Variants in ANKH observed in about 807,000 individuals in gnomAD.
ANKH encodes the protein ANKH inorganic pyrophosphate transport regulator.
A neutral mutation model predicts 49.0 loss-of-function variants in ANKH; 15 were observed. The observed-to-expected ratio is 0.31, with a 90% CI of 0.20 to 0.47. The LOEUF is 0.47. Ranked by LOEUF, ANKH falls within the 20% of genes least tolerant of loss-of-function variation. The pLI is 1.00. For synonymous variants in ANKH, 273 were observed against 260.0 expected, an observed-to-expected ratio of 1.05 and a Z score of -0.48; for missense variants, 429 against 652.0, an observed-to-expected ratio of 0.66 and a Z score of 3.72.
At chr5:14,843,408 T>C (rs1286829309) in intron 1 of ANKH, among the ~76,000 whole-genome samples, 3 of 151,806 alleles carry the variant, frequency 2.0e-5, no homozygotes, top group African/African-American at 7.3e-5. Context: ...ACTCTTGACC[T>C]CAGGCAATCT....
At chr5:14,791,140 A>C (rs1421305694) in intron 1 of ANKH, among the ~76,000 whole-genome samples, 2 of 152,170 alleles carry the variant, frequency 1.3e-5, no homozygotes, top group Non-Finnish European at 2.9e-5. Flanking sequence ...CCAGCCACGT[A>C]AGCTGGAAAT....
intron 1 of ANKH, among the ~76,000 whole-genome samples, chr5:14,821,111 A>AAT (rs1315258716): frequency 6.6e-6 from 1 of 151,658 alleles, no homozygotes; most frequent in African/African-American, 2.4e-5. Context: ...AAAAAAAAAA[A>AAT]ATTTCAGTTA....
chr5:14,752,048 C>T (rs865885085), intron 4 of ANKH, among the ~76,000 whole-genome samples: 3 of 152,284 alleles, frequency 2.0e-5, no homozygotes, highest in African/African-American at 7.2e-5. Flanking sequence ...TGGCTCACAC[C>T]TGTGATCTCA....
At position 14,737,086 on chromosome 5, in the gene ANKH, T is replaced by C. The variant is rs1253064109; in HGVS notation, c.1011+4741A>G. Among the ~76,000 whole-genome samples, 1 of 152,220 alleles carries C rather than the reference T, an allele frequency of 6.6e-6. No individual in the cohort carries two copies. Among genetic ancestry groups the C allele is most frequent in the Non-Finnish European group, 1.5e-5 (1 of 68,034 alleles). On this transcript the variant is annotated intron_variant, in intron 8 of 11. Coordinates refer to ENST00000284268, the MANE Select transcript of ANKH (RefSeq NM_054027.6). This position sits in a 1 kb window ranked among gnomAD's most constrained non-coding sequence, Gnocchi z 5.0. ...TTCTGTTTATTAAAATATGATTGGC[T>C]ATGGACTTCAGAAACAGTTTTAAAA...
chr5:14,746,150 T>C (rs1345571187), intron 6 of ANKH, among the ~76,000 whole-genome samples, 188 bp from the exon 7 acceptor site: 1 of 152,072 alleles, frequency 6.6e-6, no homozygotes, highest in Non-Finnish European at 1.5e-5. Flanking sequence ...ATTGGGCTCC[T>C]AGGGGCAGGT....
At chr5:14,759,938 G>C (rs2126497521) in intron 2 of ANKH, among the ~76,000 whole-genome samples, 1 of 152,320 alleles carries the variant, frequency 6.6e-6, no homozygotes, top group South Asian at 2.1e-4. Context: ...TGTTTTAACA[G>C]TAGGTGTGCC....
intron 8 of ANKH, among the ~76,000 whole-genome samples, chr5:14,738,159 T>G (rs1738245218): frequency 6.6e-6 from 1 of 152,188 alleles, no homozygotes; most frequent in Admixed American, 6.5e-5. Flanking sequence ...GGACAGATAC[T>G]CTAAATTTAA....
At chr5:14,780,871 G>A (rs1206264419) in intron 1 of ANKH, among the ~76,000 whole-genome samples, 2 of 152,154 alleles carry the variant, frequency 1.3e-5, no homozygotes, top group Non-Finnish European at 2.9e-5. Flanking sequence ...TTATACTTAC[G>A]ATGACATCAA....
intron 9 of ANKH, among the ~76,000 whole-genome samples, chr5:14,714,610 G>C (rs899832586): frequency 6.6e-6 from 1 of 152,174 alleles, no homozygotes; most frequent in African/African-American, 2.4e-5. Context: ...CTTCCTCTGG[G>C]TGGAAGCCTT....
At chr5:14,717,583 A>G (rs541741003) in intron 8 of ANKH, among the ~76,000 whole-genome samples, 6 of 152,326 alleles carry the variant, frequency 3.9e-5, no homozygotes, top group East Asian at 1.9e-4. Flanking sequence ...TTAGTAAGCA[A>G]TCCATCCACA....
chr5:14,820,872 C>T (rs1232739172), intron 1 of ANKH, among the ~76,000 whole-genome samples: 3 of 152,128 alleles, frequency 2.0e-5, no homozygotes, highest in Non-Finnish European at 4.4e-5. Context: ...CCAAGGCAGG[C>T]GGATCTCTTA....
At chr5:14,759,615 G>A (rs557635026) in intron 2 of ANKH, among the ~76,000 whole-genome samples, 40 of 151,938 alleles carry the variant, frequency 2.6e-4, no homozygotes, top group Non-Finnish European at 4.7e-4. Flanking sequence ...AAATTAGCCC[G>A]GCATGGTGGT....
intron 1 of ANKH, among the ~76,000 whole-genome samples, chr5:14,791,831 T>C (rs1291186533): frequency 1.3e-5 from 2 of 152,202 alleles, no homozygotes; most frequent in Non-Finnish European, 2.9e-5. Context: ...ACGCAGGTGC[T>C]ACTTGAAGGC....
At chr5:14,864,656 T>C (rs1464013328) in intron 1 of ANKH, among the ~76,000 whole-genome samples, 1 of 152,176 alleles carries the variant, frequency 6.6e-6, no homozygotes. Flanking sequence ...AGAAAACACA[T>C]TACCTACTTA....
Position 14,871,619 on chromosome 5 carries a change from T to C in ANKH, c.-172A>G, listed in dbSNP as rs1292056231. 1 of 173,974 alleles carries C rather than the reference T, an allele frequency of 5.7e-6. No homozygotes were observed. The highest frequency in any genetic ancestry group is 6.5e-5 in the Admixed American group (1 of 15,408). 10.8% of individuals were successfully genotyped at this position (173,974 alleles called of 1,614,324 possible). Reference sequence around the variant, plus strand: ...TCCTCCTCGCGGCTGCGGCGCCTTCTCCGAGCGCGGCTGCTCTAGCAGGGG... The same window carrying C: ...TCCTCCTCGCGGCTGCGGCGCCTTCCCCGAGCGCGGCTGCTCTAGCAGGGG... On this transcript the variant is annotated 5_prime_UTR_variant, in exon 1 of 12. Coordinates refer to ENST00000284268, the MANE Select transcript of ANKH (RefSeq NM_054027.6).
intron 1 of ANKH, among the ~76,000 whole-genome samples, chr5:14,806,791 C>T (rs374349229): frequency 6.6e-6 from 1 of 152,204 alleles, no homozygotes; most frequent in Non-Finnish European, 1.5e-5. Flanking sequence ...GGGAAAGACA[C>T]AATGAATCTC....
chr5:14,809,577 A>G (rs913285112), intron 1 of ANKH, among the ~76,000 whole-genome samples: 14 of 152,152 alleles, frequency 9.2e-5, no homozygotes, highest in African/African-American at 3.4e-4. Context: ...AATAAGTGTC[A>G]TAACAGAAAG....
intron 1 of ANKH, among the ~76,000 whole-genome samples, chr5:14,785,315 T>C (rs1266776140): frequency 6.6e-6 from 1 of 152,194 alleles, no homozygotes; most frequent in Non-Finnish European, 1.5e-5. Context: ...TGAGAGGATC[T>C]TGGGGGTGGA....
At chr5:14,823,033 CAA>C (rs745381610) in intron 1 of ANKH, among the ~76,000 whole-genome samples, 5 of 116,452 alleles carry the variant, frequency 4.3e-5, no homozygotes, top group Admixed American at 9.0e-5. Context: ...GACTCCGTCT[CAA>C]AAAAAAAAAA....
Sources: allele counts gnomAD v4.1 joint callset (sites outside exome capture counted in the v4.1 genomes callset), GRCh38; gene constraint gnomAD v4.1.1; non-coding constraint Gnocchi (gnomAD v3.1); transcripts MANE v1.5; gene names NCBI Gene and HGNC (gene_info 2026-07-23, HGNC 2026-07-21).